RIMS2: variants seen among roughly 807,000 people sequenced by gnomAD.
RIMS2 encodes the protein regulating synaptic membrane exocytosis 2, also known as regulating synaptic membrane exocytosis protein 2.
RIMS2 carries 59 observed loss-of-function variants against 174.4 expected under a neutral mutation model. The observed-to-expected ratio is 0.34, with a 90% CI of 0.27 to 0.42. RIMS2 has a LOEUF of 0.42. Ranked by LOEUF, RIMS2 falls within the 10% of genes least tolerant of loss-of-function variation. RIMS2 has a pLI of 1.00. For missense variants in RIMS2, 1,620 were observed against 1,666.3 expected, an observed-to-expected ratio of 0.97 and a Z score of 0.48; for synonymous variants, 606 against 572.5, an observed-to-expected ratio of 1.06 and a Z score of -0.84.
chr8:104,080,387 C>T (rs957623346), intron 19 of RIMS2, among the ~76,000 whole-genome samples: 1 of 151,898 alleles, frequency 6.6e-6, no homozygotes, highest in Non-Finnish European at 1.5e-5. Context: ...TATTTTATTT[C>T]TTTCAATTCT....
chr8:104,101,132 C>CAT (rs1396356465), intron 19 of RIMS2, among the ~76,000 whole-genome samples: 2 of 135,706 alleles, frequency 1.5e-5, no homozygotes, highest in African/African-American at 5.5e-5. Context: ...ATATATTTTA[C>CAT]ATATATATAT....
At chr8:104,103,027 A>G (rs2097937208) in intron 19 of RIMS2, among the ~76,000 whole-genome samples, 1 of 152,260 alleles carries the variant, frequency 6.6e-6, no homozygotes. Flanking sequence ...TGGTATATCC[A>G]TACAATGGAA....
intron 14 of RIMS2, among the ~76,000 whole-genome samples, chr8:103,946,072 A>T (rs962338885): frequency 1.1e-4 from 16 of 152,244 alleles, no homozygotes; most frequent in Non-Finnish European, 1.5e-5. Flanking sequence ...ACGTGATTCT[A>T]TATGTAGAAA....
chr8:104,168,633 A>G (rs1900519), intron 19 of RIMS2, among the ~76,000 whole-genome samples: 65,703 of 151,784 alleles, frequency 0.43, 14,693 homozygotes, highest in East Asian at 0.63. Flanking sequence ...TTTCCAATTC[A>G]AATGCCCTTT....
At chr8:103,825,114 C>T (rs1215080332) in intron 3 of RIMS2, among the ~76,000 whole-genome samples, 1 of 152,094 alleles carries the variant, frequency 6.6e-6, no homozygotes, top group African/African-American at 2.4e-5. Context: ...CTTCACACTC[C>T]TTCCCAGTCA....
chr8:103,880,592 C>A, intron 3 of RIMS2: 1 of 456,752 alleles, frequency 2.2e-6, no homozygotes, highest in Non-Finnish European at 4.0e-6. Flanking sequence ...TTTGCCAGGG[C>A]TAGAAGGATT....
chr8:103,582,008 G>A (rs1487634269), intron 1 of RIMS2, among the ~76,000 whole-genome samples: 1 of 152,210 alleles, frequency 6.6e-6, no homozygotes, highest in African/African-American at 2.4e-5. Flanking sequence ...ACAGCTTGTG[G>A]CTCCAAAAGA....
intron 3 of RIMS2, among the ~76,000 whole-genome samples, chr8:103,813,338 G>T (rs1172021046): frequency 6.6e-6 from 1 of 151,732 alleles, no homozygotes; most frequent in East Asian, 1.9e-4. Flanking sequence ...ATTTAGCTTA[G>T]CCACTAGGCA....
intron 1 of RIMS2, among the ~76,000 whole-genome samples, chr8:103,539,198 A>G (rs927407984): frequency 6.6e-6 from 1 of 152,118 alleles, no homozygotes; most frequent in African/African-American, 2.4e-5. Context: ...CAACACAATG[A>G]GACTCTGCTG....
chr8:104,082,543 A>C (rs912448253), intron 19 of RIMS2, among the ~76,000 whole-genome samples: 1 of 152,194 alleles, frequency 6.6e-6, no homozygotes, highest in African/African-American at 2.4e-5. Context: ...TTTAAGAAAC[A>C]GCTAATAGTT....
intron 3 of RIMS2, among the ~76,000 whole-genome samples, chr8:103,806,355 C>A (rs2098649904): frequency 6.6e-6 from 1 of 152,092 alleles, no homozygotes; most frequent in Admixed American, 6.6e-5. Context: ...GAAACTATAA[C>A]ACTAACTTAC....
chr8:103,591,281 T>C (rs2094243189), intron 1 of RIMS2, among the ~76,000 whole-genome samples: 1 of 151,162 alleles, frequency 6.6e-6, no homozygotes. Context: ...TCAATAAGTT[T>C]TTAAGTTCTG....
chr8:104,092,790 A>C (rs751055531), intron 19 of RIMS2, among the ~76,000 whole-genome samples: 5 of 151,898 alleles, frequency 3.3e-5, no homozygotes, highest in Non-Finnish European at 7.4e-5. Flanking sequence ...TTTTTGCATT[A>C]AATGTATTTT....
At chr8:103,558,374 C>A (rs1167630285) in intron 1 of RIMS2, among the ~76,000 whole-genome samples, 3 of 152,160 alleles carry the variant, frequency 2.0e-5, no homozygotes, top group South Asian at 4.1e-4. Flanking sequence ...CAGGCATACA[C>A]CACCACGCCT....
intron 1 of RIMS2, among the ~76,000 whole-genome samples, chr8:103,623,511 G>T (rs1401831185): frequency 7.8e-6 from 1 of 127,520 alleles, no homozygotes; most frequent in Non-Finnish European, 1.6e-5. Context: ...TTGAGACGGA[G>T]TCTCGCTCTG....
Position 104,223,592 on chromosome 8 carries a change from G to GC in RIMS2, c.3335-21320dup. 3 of 1,499,638 alleles carry GC rather than the reference G, an allele frequency of 2.0e-6. No individual in the cohort carries two copies. In the South Asian group the frequency reaches 3.8e-5, roughly 19 times the overall value. 92.9% of individuals were successfully genotyped at this position (1,499,638 alleles called of 1,614,324 possible). On this transcript the variant is annotated intron_variant, in intron 19 of 23. Transcript: ENST00000504942. ...GTCCCGGAACCGCTGCGGACGCTGCGCCCCAGCCGCCAAGACGCCGCGTAT... is the reference window on the plus strand; with the variant it reads ...GTCCCGGAACCGCTGCGGACGCTGCGCCCCCAGCCGCCAAGACGCCGCGTAT...
At chr8:103,764,402 A>G (rs1205299848) in intron 2 of RIMS2, among the ~76,000 whole-genome samples, 1 of 152,110 alleles carries the variant, frequency 6.6e-6, no homozygotes, top group African/African-American at 2.4e-5. Flanking sequence ...TGACATTCAA[A>G]CTTCATTTAT....
chr8:103,609,254 T>C (rs919879882), intron 1 of RIMS2, among the ~76,000 whole-genome samples: 1 of 152,226 alleles, frequency 6.6e-6, no homozygotes. Context: ...TGCTGAATAT[T>C]AGAGCTTCGT....
At chr8:104,042,892 T>A (rs1565997303) in intron 19 of RIMS2, among the ~76,000 whole-genome samples, 1 of 151,332 alleles carries the variant, frequency 6.6e-6, no homozygotes, top group Non-Finnish European at 1.5e-5. Flanking sequence ...TGAAGAGTAA[T>A]AAGAGAGACA....
Sources: gnomAD v4.1 joint callset for allele counts (sites outside exome capture counted in the v4.1 genomes callset) on GRCh38, gnomAD v4.1.1 for gene constraint, MANE v1.5 for transcripts, NCBI Gene and HGNC (gene_info 2026-07-23, HGNC 2026-07-21) for gene names.